SLC5A10: variants seen among roughly 807,000 people sequenced by gnomAD.
SLC5A10 encodes solute carrier family 5 member 10.
A neutral mutation model predicts 68.9 loss-of-function variants in SLC5A10; 55 were observed. The ratio of observed to expected loss-of-function variants is 0.80; its 90% CI spans 0.64 to 1.00. The LOEUF is 1.00. Ranked by LOEUF, SLC5A10 falls within the 50% of genes least tolerant of loss-of-function variation. The probability of loss-of-function intolerance (pLI) is 0.00; values close to 1 mark genes in which losing one functional copy is unlikely to be tolerated. For missense variants in SLC5A10, 732 were observed against 819.3 expected (o/e 0.89, Z 1.30); for synonymous variants, 344 against 344.8 (o/e 1.00, Z 0.02).
At chr17:19,008,778 C>T (rs1296078399) in intron 9 of SLC5A10, among the ~76,000 whole-genome samples, 3 of 151,370 alleles carry the variant, frequency 2.0e-5, no homozygotes, top group Non-Finnish European at 2.9e-5. Context: ...GGATTACAGG[C>T]GTGAGCCACC....
At chr17:19,002,394 G>A (rs1023264205) in intron 9 of SLC5A10, among the ~76,000 whole-genome samples, 3 of 152,204 alleles carry the variant, frequency 2.0e-5, no homozygotes, top group African/African-American at 7.2e-5. Context: ...CACCTCACCA[G>A]TTCTTGACCC....
chr17:18,954,956 GGC>G (rs2042462978), intron 1 of SLC5A10, among the ~76,000 whole-genome samples: 3 of 152,010 alleles, frequency 2.0e-5, no homozygotes, highest in Admixed American at 1.3e-4. Flanking sequence ...CGTGGTGCCA[GGC>G]GCCTGTAATC....
rs771103367 is a variant in SLC5A10 at position 18,977,772 on chromosome 17, G to T, written c.982+783G>T. ...CCGTTGGCCACTTGCTCTGAGTGGCGCCTCCGGAGAGGGACTGAGTGCTCT... is the reference window on the plus strand; with the variant it reads ...CCGTTGGCCACTTGCTCTGAGTGGCTCCTCCGGAGAGGGACTGAGTGCTCT... On this transcript the variant is annotated intron_variant, in intron 9 of 14. Coordinates refer to ENST00000395645, the MANE Select transcript of SLC5A10 (RefSeq NM_001042450.4). 9 of 1,602,834 alleles carry T rather than the reference G, an allele frequency of 5.6e-6. No homozygotes were observed. Among genetic ancestry groups the T allele is most frequent in the Non-Finnish European group, 7.7e-6 (9 of 1,174,532 alleles).
At chr17:18,964,703 A>AG (rs140062947) in intron 5 of SLC5A10, among the ~76,000 whole-genome samples, 5,265 of 152,288 alleles carry the variant, frequency 0.035, 317 homozygotes, top group African/African-American at 0.12. Context: ...TGGCAAGTCC[A>AG]GGAGTGGGAA....
At position 19,020,847 on chromosome 17, in the gene SLC5A10, C is replaced by G. The variant is rs1296941267; in HGVS notation, c.*416C>G. On this transcript the variant is annotated 3_prime_UTR_variant, in exon 15 of 15. Transcript: ENST00000395645. ...GCCCCCCATTAAGGGACTGCAGCCA[C>G]CTCCAAGGGCTCCTCCCTCCACCCA... 5.8e-6 allele frequency: 1 copy of G among 171,970 alleles called. No individual in the cohort carries two copies. The highest frequency in any genetic ancestry group is 1.5e-4 in the East Asian group (1 of 6,630). The allele number at this position is 171,970 out of a possible 1,614,324, so 10.7% of individuals were successfully genotyped here.
At chr17:18,957,557 C>A (rs2042528385) in intron 1 of SLC5A10, among the ~76,000 whole-genome samples, 1 of 152,176 alleles carries the variant, frequency 6.6e-6, no homozygotes, top group African/African-American at 2.4e-5. Flanking sequence ...CAACCTCCAC[C>A]TCCCGGGTTC....
Position 19,022,075 on chromosome 17 carries a change from G to T in SLC5A10, c.*1644G>T. On this transcript the variant is annotated 3_prime_UTR_variant, in exon 15 of 15. Transcript: ENST00000395645. ...AGGACCTCAATGATGTCGCCACGGC[G>T]GAAGCTGAGCTGCGAGGGGTCCTGG... 1.9e-6 allele frequency: 3 copies of T among 1,591,776 alleles called. No homozygotes were observed. The highest frequency in any genetic ancestry group is 2.6e-6 in the Non-Finnish European group (3 of 1,169,950).
rs556882386 is a variant in SLC5A10 at position 18,979,497 on chromosome 17, T to C, written c.982+2508T>C. On this transcript the variant is annotated intron_variant, in intron 9 of 14. Transcript: ENST00000395645. ...GGTTAGGATTAAGGGCAGAAGCCAG[T>C]TGGGAGCCAGAGGTACCTCTCGCAC... 208 of 1,602,706 alleles carry C rather than the reference T, an allele frequency of 1.3e-4. 1 individual carries two copies. Among genetic ancestry groups the C allele is most frequent in the South Asian group, 2.6e-4 (23 of 89,898 alleles).
rs749702756 is a variant in SLC5A10 at position 19,019,437 on chromosome 17, C to T, written c.1256C>T (p.Ala419Val). The change falls in exon 12 of 15, where the codon GCA becomes GTA. Residue 419 changes from alanine to valine, a missense_variant. Physicochemically the swap from Ala to Val is moderately conservative, Grantham distance 64 (BLOSUM62 0). Transcript: ENST00000395645. ...CTCGCCTGCAGGCTGGTCATAGTGG[C>T]ACTCATCGGCGTGAGTGTGGCCTGG... ...LLLVGRLVIV[A>V]LIGVSVAWIP... 31 of 1,610,514 alleles carry T rather than the reference C, an allele frequency of 1.9e-5. No homozygotes were observed. In the South Asian group the frequency reaches 3.4e-4, roughly 18 times the overall value.
chr17:18,984,673 G>A (rs2043224826), intron 9 of SLC5A10, among the ~76,000 whole-genome samples: 1 of 152,230 alleles, frequency 6.6e-6, no homozygotes, highest in Non-Finnish European at 1.5e-5. Context: ...CATGGCTCTT[G>A]TCTGTCCTAA....
At chr17:18,976,611 G>A (rs752188878) in intron 8 of SLC5A10, 1 of 532,028 alleles carries the variant, frequency 1.9e-6, no homozygotes, top group Non-Finnish European at 3.3e-6. Flanking sequence ...CCTATTGACA[G>A]GTCAGGGGAC....
At chr17:18,978,026 G>T in intron 9 of SLC5A10, 1 of 1,541,170 alleles carries the variant, frequency 6.5e-7, no homozygotes, top group South Asian at 1.3e-5. Context: ...GCCTGGGCCT[G>T]CCATCCTGGG....
intron 1 of SLC5A10, among the ~76,000 whole-genome samples, chr17:18,953,068 A>T (rs1442583190): frequency 6.6e-6 from 1 of 150,406 alleles, no homozygotes; most frequent in Admixed American, 6.6e-5. Flanking sequence ...TAAGCCCCAG[A>T]GGTCCCCAGC....
At position 19,003,846 on chromosome 17, in the gene SLC5A10, G is replaced by A; in HGVS notation, c.983-9564G>A. ...TACACCTCGATGGTCTCCAGGATGC[G>A]CTTGAGCTCCAGCTCCGAGAGGAAG... On this transcript the variant is annotated intron_variant, in intron 9 of 14. Transcript: ENST00000395645. This position sits in a 1 kb window ranked among gnomAD's most constrained non-coding sequence, Gnocchi z 4.5. 6.2e-7 allele frequency: 1 copy of A among 1,613,008 alleles called. No individual in the cohort carries two copies. Among genetic ancestry groups the A allele is most frequent in the Non-Finnish European group, 8.5e-7 (1 of 1,179,920 alleles).
intron 8 of SLC5A10, among the ~76,000 whole-genome samples, chr17:18,975,509 G>A (rs147758381): frequency 0.012 from 1,828 of 152,038 alleles, 32 homozygotes; most frequent in African/African-American, 0.041. Flanking sequence ...GACCAACATG[G>A]TAAAACCCCA....
In SLC5A10 at chr17:19,019,589, C is replaced by G. The variant is rs2044215819; in HGVS notation, c.1408C>G (p.Gln470Glu). Residue 470 changes from glutamine to glutamate, a missense_variant and splice_region_variant, in exon 12 of 15, where the codon CAG (glutamine) becomes GAG (glutamate). Gln to Glu is a conservative substitution (Grantham distance 29, BLOSUM62 2). Coordinates refer to ENST00000395645, the MANE Select transcript of SLC5A10 (RefSeq NM_001042450.4). Reference protein sequence around the residue: ...LGVFWRRANEQGAFWGLIAGL... With the variant: ...LGVFWRRANEEGAFWGLIAGL... The stretch of plus-strand genomic sequence containing the variant: ...CGTCTTCTGGCGACGTGCCAACGAG[C>G]AGGTGGGCGTCGGCGGTCTGCTCTC... 2 of 1,610,964 alleles carry G rather than the reference C, an allele frequency of 1.2e-6. No individual in the cohort carries two copies. The highest frequency in any genetic ancestry group is 1.7e-6 in the Non-Finnish European group (2 of 1,179,736).
chr17:18,970,807 A>G (rs2042822564), intron 7 of SLC5A10: 2 of 586,626 alleles, frequency 3.4e-6, no homozygotes, highest in Non-Finnish European at 6.1e-6. Context: ...TATTTTAAAT[A>G]CGAATAAAAT....
In SLC5A10 at chr17:18,988,103, G is replaced by A. The variant is rs1323465649; in HGVS notation, c.982+11114G>A. On this transcript the variant is annotated intron_variant, in intron 9 of 14. Transcript: ENST00000395645. ...GAATTCAAGCAGTGGCTATGTGACTGCTTGGCAGGAGGCTCTAGGATTACT... is the reference window on the plus strand; with the variant it reads ...GAATTCAAGCAGTGGCTATGTGACTACTTGGCAGGAGGCTCTAGGATTACT... The A allele has an allele frequency of 3.1e-6, 4 of 1,271,736 alleles. No homozygotes were observed. In the African/African-American group the frequency reaches 4.5e-5, roughly 14 times the overall value. 78.8% of individuals were successfully genotyped at this position (1,271,736 alleles called of 1,614,324 possible).
intron 12 of SLC5A10, 49 bp from the exon 13 acceptor site, chr17:19,019,664 C>T: frequency 6.2e-7 from 1 of 1,602,358 alleles, no homozygotes; most frequent in Non-Finnish European, 8.5e-7. Context: ...TGGGGGGAGC[C>T]TTGGTCCTCC....
Sources: gnomAD v4.1 joint callset for allele counts (sites outside exome capture counted in the v4.1 genomes callset) on GRCh38, gnomAD v4.1.1 for gene constraint, Gnocchi (gnomAD v3.1) non-coding constraint, MANE v1.5 for transcripts, NCBI Gene and HGNC (gene_info 2026-07-23, HGNC 2026-07-21) for gene names.